The following PSMB10 variants were observed in gnomAD, a reference collection of about 807,000 sequenced individuals.
The protein encoded by PSMB10 is proteasome 20S subunit beta 10.
A neutral mutation model predicts 29.8 loss-of-function variants in PSMB10; 29 were observed. That is an observed-to-expected ratio of 0.97 (90% CI 0.73 to 1.33). The LOEUF (loss-of-function observed/expected upper bound fraction) is 1.33. Among genes scored for constraint, PSMB10 ranks in the 40% most tolerant of loss-of-function variants. The probability of loss-of-function intolerance (pLI) is 0.00; values close to 1 mark genes in which losing one functional copy is unlikely to be tolerated. For missense variants in PSMB10, 327 were observed against 369.2 expected (o/e 0.89, Z 0.94); for synonymous variants, 157 against 164.7 (o/e 0.95, Z 0.36).
At position 67,936,816 on chromosome 16, in the gene PSMB10, A is replaced by G. The variant is rs1288513031; in HGVS notation, c.-67T>C. The stretch of plus-strand genomic sequence containing the variant: ...GTCGGCCAGACAAGCGGGGCCAGTG[A>G]GCAGCTAAAAAGTCCTCTGCTAGGC... On this transcript the variant is annotated 5_prime_UTR_variant, in exon 1 of 8. Coordinates refer to ENST00000358514, the MANE Select transcript of PSMB10 (RefSeq NM_002801.4). 8.6e-6 allele frequency: 12 copies of G among 1,402,740 alleles called. No individual in the cohort carries two copies. The highest frequency in any genetic ancestry group is 1.2e-5 in the Non-Finnish European group (12 of 1,020,354). 86.9% of individuals were successfully genotyped at this position (1,402,740 alleles called of 1,614,324 possible).
intron 6 of PSMB10, 127 bp downstream of exon 6, chr16:67,935,293 C>A: frequency 8.6e-7 from 1 of 1,161,092 alleles, no homozygotes; most frequent in Admixed American, 2.1e-5. Flanking sequence ...TTACTCCACT[C>A]ACCCTTCAGT....
At chr16:67,936,559 C>A in intron 1 of PSMB10, 74 bp from the exon 2 acceptor site, 1 of 1,467,716 alleles carries the variant, frequency 6.8e-7, no homozygotes, top group South Asian at 1.3e-5. Context: ...ACCTGGTCCC[C>A]GTCTCCCTCA....
In PSMB10 at chr16:67,934,910, G is replaced by A. The variant is rs770040505; in HGVS notation, c.597C>T (p.Thr199=). ...AGCCCAGGTCACCCAAGATCCCGGCGGTGACGGCTTCCACCAGCAGCCCCT... is the reference window on the plus strand; with the variant it reads ...AGCCCAGGTCACCCAAGATCCCGGCAGTGACGGCTTCCACCAGCAGCCCCT... ...AAQGLLVEAV[T]AGILGDLGSG... Residue 199 remains threonine, a synonymous_variant, in exon 7 of 8, where the codon ACC becomes ACT. Transcript: ENST00000358514. This position sits in a 1 kb window ranked among gnomAD's most constrained non-coding sequence, Gnocchi z 4.3. 6.2e-7 allele frequency: 1 copy of A among 1,613,138 alleles called. No homozygotes were observed. Among genetic ancestry groups the A allele is most frequent in the Non-Finnish European group, 8.5e-7 (1 of 1,180,008 alleles).
At chr16:67,935,391 C>T (rs1207146130) in intron 6 of PSMB10, 29 bp downstream of exon 6, 1 of 1,612,720 alleles carries the variant, frequency 6.2e-7, no homozygotes, top group Non-Finnish European at 8.5e-7. Flanking sequence ...CCACCAGCGA[C>T]CACAAAGTCG....
At position 67,935,653 on chromosome 16, in the gene PSMB10, T is replaced by A. The variant is rs1316587307; in HGVS notation, c.428A>T (p.Asp143Val). 1 of 1,614,014 alleles carries A rather than the reference T, an allele frequency of 6.2e-7. No individual in the cohort carries two copies. Among genetic ancestry groups the A allele is most frequent in the East Asian group, 2.2e-5 (1 of 44,888 alleles). ...VGASLIVGGV[D>V]LTGPQLYGVH... is the part of the protein sequence containing the mutation. ...ACCGTAGAGCTGCGGTCCAGTCAGG[T>A]CTACGCCGCCCACGATCAGCGATGC... Residue 143 changes from aspartate to valine, a missense_variant, in exon 5 of 8, where the codon GAC becomes GTC. By Grantham distance (152) the Asp-to-Val change is radical (BLOSUM62 -3). Coordinates refer to ENST00000358514, the MANE Select transcript of PSMB10 (RefSeq NM_002801.4).
rs1217819254 is a variant in PSMB10 at position 67,936,111 on chromosome 16, A to C, written c.243-8T>G. ...ACTCCAGCCCCACAGCAGCTGAGGC[A>C]AAAGGGAGGATCGGTGTGGGCAGGG... is the stretch of plus-strand genomic sequence containing the variant. On this transcript the variant is annotated splice_region_variant and splice_polypyrimidine_tract_variant and intron_variant, in intron 3 of 7. Transcript: ENST00000358514. 3 of 1,608,508 alleles carry C rather than the reference A, an allele frequency of 1.9e-6. No homozygotes were observed. Among genetic ancestry groups the C allele is most frequent in the Non-Finnish European group, 1.7e-6 (2 of 1,175,680 alleles).
At position 67,936,455 on chromosome 16, in the gene PSMB10, C is replaced by G. The variant is rs769850517; in HGVS notation, c.87G>C (p.Gly29=). 21 of 1,613,380 alleles carry G rather than the reference C, an allele frequency of 1.3e-5. No individual in the cohort carries two copies. The highest frequency in any genetic ancestry group is 1.8e-5 in the Non-Finnish European group (21 of 1,179,926). Residue 29 remains glycine (G), a synonymous_variant, in exon 2 of 8, where the codon GGG becomes GGC. Coordinates refer to ENST00000358514, the MANE Select transcript of PSMB10 (RefSeq NM_002801.4). The part of the protein sequence containing the change: ...RNASLERVLP[G]LKVPHARKTG... Reference sequence around the variant, plus strand: ...TCTTGCGTGCGTGAGGGACCTTGAGCCCCGGGAGGACGCGTTCCAATGATG... The same window carrying G: ...TCTTGCGTGCGTGAGGGACCTTGAGGCCCGGGAGGACGCGTTCCAATGATG...
At chr16:67,935,111 C>T in intron 6 of PSMB10, 163 bp from the exon 7 acceptor site, 1 of 916,122 alleles carries the variant, frequency 1.1e-6, no homozygotes, top group Non-Finnish European at 1.6e-6. Flanking sequence ...ACATCACCTG[C>T]TTCCATCCCA....
At position 67,935,478 on chromosome 16, in the gene PSMB10, C is replaced by A. The variant is rs763700481; in HGVS notation, c.500G>T (p.Gly167Val). The A allele has an allele frequency of 5.0e-6, 8 of 1,614,028 alleles. No homozygotes were observed. The Admixed American group carries it at 1.3e-4, about 27-fold the overall frequency. Residue 167 changes from glycine to valine, a missense_variant and splice_region_variant, in exon 6 of 8, where the codon GGC becomes GTC. Physicochemically the swap from Gly to Val is moderately radical, Grantham distance 109 (BLOSUM62 -3). Coordinates refer to ENST00000358514, the MANE Select transcript of PSMB10 (RefSeq NM_002801.4). ...SYSRLPFTALGSGQDAALAVL... is the reference protein window; with the variant it reads ...SYSRLPFTALVSGQDAALAVL... ...CGCCAGGGCCGCGTCCTGACCAGAGCCTGAAGGCAGGAGAAGCATCTGAAG... is the reference window on the plus strand; with the variant it reads ...CGCCAGGGCCGCGTCCTGACCAGAGACTGAAGGCAGGAGAAGCATCTGAAG...
In PSMB10 at chr16:67,934,792, C is replaced by T. The variant is rs1438545208; in HGVS notation, c.710+5G>A. ...TCCCTGTGGTCCCCGATCTCCAGCT[C>T]TCACCTCTTCACGGGCTCTGTGGGT... On this transcript the variant is annotated splice_donor_5th_base_variant and intron_variant, in intron 7 of 7. Transcript: ENST00000358514. This position sits in a 1 kb window ranked among gnomAD's most constrained non-coding sequence, Gnocchi z 4.3. 1 of 1,613,472 alleles carries T rather than the reference C, an allele frequency of 6.2e-7. No individual in the cohort carries two copies.
At position 67,936,209 on chromosome 16, in the gene PSMB10, T is replaced by TCTCACTAGATTTTGGGGGC; in HGVS notation, c.229_242+5dup. 6.2e-7 allele frequency: 1 copy of TCTCACTAGATTTTGGGGGC among 1,612,352 alleles called. No individual in the cohort carries two copies. The highest frequency in any genetic ancestry group is 8.5e-7 in the Non-Finnish European group (1 of 1,179,108). On this transcript the variant is annotated splice_donor_region_variant and intron_variant, in intron 3 of 7. Transcript: ENST00000358514. ...TGCGTACGGGAACTGGGCTCGGGAG[T>TCTCACTAGATTTTGGGGGC]CTCACTAGATTTTGGGGGCGATGAA...
chr16:67,935,628 A>G lies in PSMB10; in HGVS notation c.453T>C (p.Gly151=), dbSNP rs14178. ...GVDLTGPQLY[G]VHPHGSYSRL... ...GGCTGTAGGAGCCATGGGGATGCAC[A>G]CCGTAGAGCTGCGGTCCAGTCAGGT... The change falls in exon 5 of 8, where the codon GGT becomes GGC. Residue 151 remains glycine, a synonymous_variant. Transcript: ENST00000358514. 0.067 allele frequency: 107,358 copies of G among 1,614,066 alleles called. 7,970 individuals are homozygous for G. Among genetic ancestry groups the G allele is most frequent in the African/African-American group, 0.38 (28,861 of 75,000 alleles).
Position 67,936,504 on chromosome 16 carries a change from GC to G in PSMB10, c.57-20del. The G allele has an allele frequency of 6.2e-7, 1 of 1,604,104 alleles. No individual in the cohort carries two copies. Among genetic ancestry groups the G allele is most frequent in the Non-Finnish European group, 8.5e-7 (1 of 1,174,072 alleles). Reference sequence around the variant, plus strand: ...TGCATTTCTGGAAACGGAGGAGGGCGCCCATGTTTCGGCTCTGCTTTCAAGA... The same window carrying G: ...TGCATTTCTGGAAACGGAGGAGGGCGCCATGTTTCGGCTCTGCTTTCAAGA... On this transcript the variant is annotated intron_variant, in intron 1 of 7. Transcript: ENST00000358514.
intron 1 of PSMB10, 97 bp downstream of exon 1, chr16:67,936,597 T>A: frequency 6.9e-7 from 1 of 1,456,030 alleles, no homozygotes; most frequent in Non-Finnish European, 9.3e-7. Context: ...GGAACCCAAG[T>A]CGACCAACAC....
intron 4 of PSMB10, 100 bp downstream of exon 4, chr16:67,935,863 C>A: frequency 6.6e-7 from 1 of 1,524,544 alleles, no homozygotes; most frequent in Non-Finnish European, 8.9e-7. Flanking sequence ...CTTCCGGTCA[C>A]CTGGCCCGTC....
At chr16:67,936,642 C>T (rs1211091596) in intron 1 of PSMB10, 52 bp downstream of exon 1, 1 of 1,509,072 alleles carries the variant, frequency 6.6e-7, no homozygotes, top group Non-Finnish European at 8.9e-7. Flanking sequence ...AAAAAGGCCA[C>T]GAGCAAGCAG....
intron 6 of PSMB10, 129 bp downstream of exon 6, chr16:67,935,291 C>G (rs1240300760): frequency 8.7e-7 from 1 of 1,150,012 alleles, no homozygotes; most frequent in South Asian, 1.4e-5. Context: ...CCTTACTCCA[C>G]TCACCCTTCA....
chr16:67,935,195 C>G (rs2058258105), intron 6 of PSMB10: 3 of 703,986 alleles, frequency 4.3e-6, no homozygotes, highest in Non-Finnish European at 4.6e-6. Flanking sequence ...CCCTCGGCTC[C>G]TAAAGATCCT....
At position 67,936,724 on chromosome 16, in the gene PSMB10, C is replaced by G. The variant is rs956621329; in HGVS notation, c.26G>C (p.Arg9Pro). MLKPALEP[R>P]GGFSFENCQR... is the part of the protein sequence containing the mutation. The stretch of plus-strand genomic sequence containing the variant: ...GCAGTTCTCGAAGGAGAAGCCCCCT[C>G]GGGGCTCCAGGGCTGGCTTCAGCAT... Residue 9 changes from arginine to proline, a missense_variant, in exon 1 of 8, where the codon CGA (arginine) becomes CCA (proline). By Grantham distance (103) the Arg-to-Pro change is moderately radical. Transcript: ENST00000358514. 6 of 1,557,040 alleles carry G rather than the reference C, an allele frequency of 3.9e-6. No individual in the cohort carries two copies. The Admixed American group carries it at 1.2e-4, about 30-fold the overall frequency.
Sources: allele counts gnomAD v4.1 joint callset, GRCh38; gene constraint gnomAD v4.1.1; non-coding constraint Gnocchi (gnomAD v3.1); transcripts MANE v1.5; gene names NCBI Gene and HGNC (gene_info 2026-07-23, HGNC 2026-07-21).